The following ATP9B variants were observed in gnomAD, a reference collection of about 807,000 sequenced individuals.
ATP9B encodes the protein probable phospholipid-transporting ATPase IIB.
Under a neutral mutation model 146.1 loss-of-function variants are expected in ATP9B, and 110 were observed. The observed-to-expected ratio is 0.75, with a 90% CI of 0.65 to 0.88. ATP9B has a LOEUF of 0.88. ATP9B is among the 40% of genes least tolerant of loss of function. ATP9B has a pLI of 0.00. For synonymous variants in ATP9B, 604 were observed against 569.7 expected, an observed-to-expected ratio of 1.06 and a Z score of -0.86; for missense variants, 1,499 against 1,496.4, an observed-to-expected ratio of 1.00 and a Z score of -0.03.
At chr18:79,186,051 G>A (rs974302640) in intron 8 of ATP9B, among the ~76,000 whole-genome samples, 4 of 152,258 alleles carry the variant, frequency 2.6e-5, no homozygotes, top group East Asian at 1.9e-4. Context: ...CAGTTTTCAG[G>A]CGTTGTAGAC....
intron 11 of ATP9B, among the ~76,000 whole-genome samples, chr18:79,222,470 G>A (rs2095689521): frequency 6.6e-6 from 1 of 152,056 alleles, no homozygotes; most frequent in Admixed American, 6.5e-5. Context: ...GCCCCACGTA[G>A]GCAACATCAG....
intron 4 of ATP9B, among the ~76,000 whole-genome samples, chr18:79,123,130 T>C (rs2094218194): frequency 1.3e-5 from 2 of 152,022 alleles, no homozygotes; most frequent in African/African-American, 4.8e-5. Flanking sequence ...GAGGACTGTC[T>C]ATCTCTAGTC....
intron 11 of ATP9B, among the ~76,000 whole-genome samples, chr18:79,215,031 C>G (rs904488933): frequency 1.3e-5 from 2 of 151,656 alleles, no homozygotes; most frequent in East Asian, 1.9e-4. Context: ...GCCTGTAGTC[C>G]CCACTACTCA....
At chr18:79,184,484 G>A (rs1466355075) in intron 8 of ATP9B, among the ~76,000 whole-genome samples, 1 of 151,824 alleles carries the variant, frequency 6.6e-6, no homozygotes, top group Admixed American at 6.6e-5. Context: ...GCTTCCCAGG[G>A]TTTTCGACTT....
At chr18:79,084,259 C>T (rs896606962) in intron 1 of ATP9B, among the ~76,000 whole-genome samples, 17 of 151,872 alleles carry the variant, frequency 1.1e-4, no homozygotes, top group African/African-American at 4.1e-4. Context: ...CCGTTGGGTA[C>T]CCCGGGTATG....
chr18:79,325,383 A>G (rs1326666297), intron 15 of ATP9B, among the ~76,000 whole-genome samples: 1 of 152,218 alleles, frequency 6.6e-6, no homozygotes, highest in Non-Finnish European at 1.5e-5. Flanking sequence ...CTTTTCCAGA[A>G]TCATTCTATT....
chr18:79,167,113 C>G (rs763802093), intron 7 of ATP9B, among the ~76,000 whole-genome samples: 1 of 152,194 alleles, frequency 6.6e-6, no homozygotes, highest in Non-Finnish European at 1.5e-5. Context: ...AGCCCTGGCT[C>G]GGTGAGCTGT....
At chr18:79,220,069 A>G (rs1318911789) in intron 11 of ATP9B, among the ~76,000 whole-genome samples, 21 of 152,156 alleles carry the variant, frequency 1.4e-4, no homozygotes, top group Admixed American at 1.3e-3. Context: ...GGGCTGGTGC[A>G]GAGGTTTGCA....
intron 6 of ATP9B, among the ~76,000 whole-genome samples, chr18:79,153,928 G>T (rs117173457): frequency 0.016 from 2,419 of 149,834 alleles, 26 homozygotes; most frequent in Non-Finnish European, 0.021. Context: ...GATTACAGGG[G>T]TGAGCCACCA....
chr18:79,143,641 AG>A (rs1466571881), intron 5 of ATP9B, among the ~76,000 whole-genome samples, 160 bp from the exon 6 acceptor site: 2 of 152,218 alleles, frequency 1.3e-5, no homozygotes, highest in African/African-American at 4.8e-5. Context: ...GTTTACTAAG[AG>A]AAGTTAATTA....
intron 17 of ATP9B, among the ~76,000 whole-genome samples, chr18:79,330,477 A>G (rs1201021784): frequency 6.6e-6 from 1 of 151,810 alleles, no homozygotes; most frequent in South Asian, 2.1e-4. Context: ...CAGTAGCGCA[A>G]TCTTGGCTCT....
chr18:79,253,715 C>A, intron 12 of ATP9B, 174 bp downstream of exon 12: 1 of 630,988 alleles, frequency 1.6e-6, no homozygotes, highest in Non-Finnish European at 2.5e-6. Context: ...GGGGAGACGT[C>A]ATCAGTGCCG....
chr18:79,132,936 A>G (rs1431079703), intron 5 of ATP9B, among the ~76,000 whole-genome samples: 1 of 152,192 alleles, frequency 6.6e-6, no homozygotes, highest in African/African-American at 2.4e-5. Context: ...TATCACAATC[A>G]CACTGAAATT....
intron 9 of ATP9B, among the ~76,000 whole-genome samples, chr18:79,198,860 T>C (rs1469154815): frequency 3.9e-5 from 6 of 152,228 alleles, no homozygotes; most frequent in Admixed American, 2.0e-4. Flanking sequence ...GACTGCACAC[T>C]ACTGTAAACT....
intron 15 of ATP9B, among the ~76,000 whole-genome samples, chr18:79,308,393 AT>A (rs2096630925): frequency 6.6e-6 from 1 of 152,226 alleles, no homozygotes; most frequent in Non-Finnish European, 1.5e-5. Flanking sequence ...GGCAGTCCAA[AT>A]GTCTATCAGC....
chr18:79,071,435 C>T (rs2071804223), intron 1 of ATP9B, among the ~76,000 whole-genome samples: 1 of 56,470 alleles, frequency 1.8e-5, no homozygotes, highest in Non-Finnish European at 3.9e-5. Flanking sequence ...TCACTCTGTT[C>T]TCCTGGCTGG....
intron 11 of ATP9B, among the ~76,000 whole-genome samples, chr18:79,251,829 T>G (rs1444423173): frequency 6.6e-6 from 1 of 152,232 alleles, no homozygotes; most frequent in African/African-American, 2.4e-5. Context: ...TTAATCAGGT[T>G]TTTTGCAGTC....
intron 13 of ATP9B, 110 bp downstream of exon 13, chr18:79,277,306 G>A (rs959374145): frequency 5.2e-6 from 7 of 1,337,672 alleles, no homozygotes; most frequent in African/African-American, 1.5e-5. Flanking sequence ...TGTATGTATT[G>A]GAACAGATCA....
At chr18:79,236,363 G>A (rs571934508) in intron 11 of ATP9B, among the ~76,000 whole-genome samples, 31 of 152,214 alleles carry the variant, frequency 2.0e-4, no homozygotes, top group Admixed American at 1.6e-3. Context: ...TGTTGTATAG[G>A]AGCTCTTTGT....
Sources: allele counts gnomAD v4.1 joint callset (sites outside exome capture counted in the v4.1 genomes callset), GRCh38; gene constraint gnomAD v4.1.1; transcripts MANE v1.5; gene names NCBI Gene and HGNC (gene_info 2026-07-23, HGNC 2026-07-21).